Variants in CSMD1 observed in about 807,000 individuals in gnomAD.
CSMD1 encodes the protein CUB and Sushi multiple domains 1.
Under a neutral mutation model 417.5 loss-of-function variants are expected in CSMD1, and 213 were observed. The ratio of observed to expected loss-of-function variants is 0.51; its 90% confidence interval spans 0.46 to 0.57. The LOEUF (loss-of-function observed/expected upper bound fraction) is 0.57. CSMD1 is among the 20% of genes least tolerant of loss of function. The pLI is 0.00. For missense variants in CSMD1, 6,923 were observed against 4,529.7 expected (o/e 1.53, Z -15.17); for synonymous variants, 2,862 against 1,736.8 (o/e 1.65, Z -16.11).
chr8:3,265,857 G>T (rs1163496053), intron 26 of CSMD1, among the ~76,000 whole-genome samples: 1 of 151,996 alleles, frequency 6.6e-6, no homozygotes, highest in Non-Finnish European at 1.5e-5. Context: ...TAGCTCAGGT[G>T]GGGAAGAGAA....
chr8:3,556,795 A>C (rs1563150472), intron 10 of CSMD1, among the ~76,000 whole-genome samples: 1 of 152,142 alleles, frequency 6.6e-6, no homozygotes, highest in Non-Finnish European at 1.5e-5. Context: ...AAGACTGCCA[A>C]AAGAGGCGAC....
intron 4 of CSMD1, among the ~76,000 whole-genome samples, chr8:4,017,450 G>T (rs896598518): frequency 2.6e-4 from 39 of 152,138 alleles, no homozygotes; most frequent in Admixed American, 2.2e-3. Flanking sequence ...AGGATTACAG[G>T]CATGCACCAG....
chr8:4,588,956 T>C (rs905537731), intron 2 of CSMD1, among the ~76,000 whole-genome samples: 13 of 152,132 alleles, frequency 8.5e-5, no homozygotes. Context: ...TTAAGTATAG[T>C]AGAGCCAAGT....
intron 7 of CSMD1, among the ~76,000 whole-genome samples, chr8:3,669,756 C>A (rs2117514631): frequency 6.6e-6 from 1 of 152,226 alleles, no homozygotes; most frequent in South Asian, 2.1e-4. Context: ...CTGGCTAAGC[C>A]TGAGGCTACA....
intron 1 of CSMD1, among the ~76,000 whole-genome samples, chr8:4,725,933 G>A (rs1027298404): frequency 3.3e-5 from 5 of 152,108 alleles, no homozygotes; most frequent in African/African-American, 7.2e-5. Context: ...ACACTCTCCA[G>A]TAGATACACG....
At chr8:3,439,294 TATATATATATA>T (rs1368031972) in intron 12 of CSMD1, among the ~76,000 whole-genome samples, 4 of 48,142 alleles carry the variant, frequency 8.3e-5, no homozygotes, top group East Asian at 1.4e-3. Flanking sequence ...TATATATATA[TATATATATATA>T]TATATTTTTT....
chr8:4,611,676 CTG>C (rs1801182213), intron 2 of CSMD1, among the ~76,000 whole-genome samples: 1 of 152,100 alleles, frequency 6.6e-6, no homozygotes, highest in African/African-American at 2.4e-5. Context: ...TGTTCATTTA[CTG>C]TGTGTTTTCA....
chr8:3,282,584 C>CT lies in CSMD1; in HGVS notation c.4153+1559dup, dbSNP rs529338572. Among the ~76,000 whole-genome samples the CT allele has an allele frequency of 1.5e-3, 222 of 152,044 alleles. 1 individual carries two copies. The highest frequency in any genetic ancestry group is 4.9e-3 in the African/African-American group (205 of 41,494). ...AGTGATATAATTTTGGAGTAAAGGA[C>CT]TTTTTTTCCCCCAAGGCAGGATAGT... On this transcript the variant is annotated intron_variant, in intron 26 of 69. Coordinates refer to ENST00000635120, the MANE Select transcript of CSMD1 (RefSeq NM_033225.6).
chr8:3,814,033 T>G (rs1801233531), intron 5 of CSMD1, among the ~76,000 whole-genome samples: 1 of 152,218 alleles, frequency 6.6e-6, no homozygotes, highest in Non-Finnish European at 1.5e-5. Flanking sequence ...AAAAACTGTC[T>G]TTAAAATAAA....
Position 4,361,528 on chromosome 8 carries a change from G to C in CSMD1, c.415+58425C>G, listed in dbSNP as rs576493439. Among the ~76,000 whole-genome samples, 9 of 152,228 alleles carry C rather than the reference G, an allele frequency of 5.9e-5. No homozygotes were observed. In the East Asian group the frequency reaches 7.7e-4, roughly 13 times the overall value. ...ACGGAGGCCTGCAAGATCAGGTAAC[G>C]ACCACGGTCCTACAAAGTTAAAAAG... On this transcript the variant is annotated intron_variant, in intron 3 of 69. Transcript: ENST00000635120.
In CSMD1 at chr8:3,298,356, G is replaced by C. The variant is rs1804126458; in HGVS notation, c.3950+9339C>G. ...CCATCCAAATGTCCATCAGCACCCA[G>C]AATGGATAAATAAATTATATCAGGA... is the stretch of plus-strand genomic sequence containing the variant. On this transcript the variant is annotated intron_variant, in intron 25 of 69. Transcript: ENST00000635120. Among the ~76,000 whole-genome samples the C allele has an allele frequency of 2.0e-5, 3 of 152,176 alleles. 1 individual carries two copies.
chr8:4,318,421 AAG>A (rs1202718677), intron 3 of CSMD1, among the ~76,000 whole-genome samples: 1 of 152,140 alleles, frequency 6.6e-6, no homozygotes, highest in Non-Finnish European at 1.5e-5. Flanking sequence ...GTGTGTGAGA[AAG>A]AGTAATATTG....
intron 7 of CSMD1, among the ~76,000 whole-genome samples, chr8:3,686,558 C>T (rs142907415): frequency 0.01 from 1,559 of 152,242 alleles, 14 homozygotes; most frequent in South Asian, 0.017. Context: ...AATTCCCATA[C>T]GAAATATACT....
At position 3,320,658 on chromosome 8, in the gene CSMD1, G is replaced by T. The variant is rs565520799; in HGVS notation, c.3632-12155C>A. 2.0e-5 allele frequency among the ~76,000 whole-genome samples: 3 copies of T among 152,178 alleles called. No homozygotes were observed. In the East Asian group the frequency reaches 5.8e-4, roughly 29 times the overall value. ...AACTAGACCACCGCTGCATTGGGACGCAAGAGCGCAGTTCCTCCTTTTCCA... is the reference window on the plus strand; with the variant it reads ...AACTAGACCACCGCTGCATTGGGACTCAAGAGCGCAGTTCCTCCTTTTCCA... On this transcript the variant is annotated intron_variant, in intron 23 of 69. Transcript: ENST00000635120.
intron 1 of CSMD1, among the ~76,000 whole-genome samples, chr8:4,831,338 C>A (rs763566756): frequency 1.3e-5 from 2 of 152,108 alleles, no homozygotes; most frequent in Admixed American, 6.5e-5. Context: ...GCAATTACTG[C>A]AATACCTTAT....
intron 1 of CSMD1, among the ~76,000 whole-genome samples, chr8:4,826,228 G>A (rs1258308225): frequency 6.6e-6 from 1 of 151,872 alleles, no homozygotes; most frequent in African/African-American, 2.4e-5. Flanking sequence ...AGACATGAAA[G>A]CAACCTAAAT....
chr8:3,299,300 A>T (rs1162617798), intron 25 of CSMD1, among the ~76,000 whole-genome samples: 1 of 152,070 alleles, frequency 6.6e-6, no homozygotes, highest in Non-Finnish European at 1.5e-5. Context: ...AAAAATATAA[A>T]AATCAGCTGG....
chr8:4,396,334 G>C (rs559093614), intron 3 of CSMD1, among the ~76,000 whole-genome samples: 2 of 151,568 alleles, frequency 1.3e-5, no homozygotes, highest in Non-Finnish European at 2.9e-5. Context: ...AGGCATGGTA[G>C]CATGCACCTG....
At chr8:4,040,088 A>G (rs1482490453) in intron 3 of CSMD1, among the ~76,000 whole-genome samples, 2 of 152,220 alleles carry the variant, frequency 1.3e-5, no homozygotes, top group African/African-American at 2.4e-5. Context: ...TTCAAAGTAT[A>G]CAGAGATTTT....
Sources: gnomAD v4.1 joint callset for allele counts (sites outside exome capture counted in the v4.1 genomes callset) on GRCh38, gnomAD v4.1.1 for gene constraint, MANE v1.5 for transcripts, NCBI Gene and HGNC (gene_info 2026-07-23, HGNC 2026-07-21) for gene names.